The following USP8 variants were observed in gnomAD, a reference collection of about 807,000 sequenced individuals.
The protein encoded by USP8 is ubiquitin carboxyl-terminal hydrolase 8.
In USP8, 27 loss-of-function variants were observed where a neutral mutation model predicts 130.0. The observed-to-expected ratio is 0.21, with a 90% CI of 0.15 to 0.29. The LOEUF is 0.29. USP8 is among the 10% of genes least tolerant of loss of function. The pLI is 1.00. For missense variants in USP8, 1,029 were observed against 1,312.2 expected, an observed-to-expected ratio of 0.78 and a Z score of 3.33; for synonymous variants, 392 against 444.1, an observed-to-expected ratio of 0.88 and a Z score of 1.48.
chr15:50,498,657 AATCTTGACTTGTCAC>A lies in USP8; in HGVS notation c.3102_3116del (p.Asn1034_Gln1039delinsLys). ...GACATCTGTGGACTTCCCGTTAGAA[AATCTTGACTTGTCAC>A]AGTATGTTATTGGTCCAAAGAACAA... On this transcript the variant is annotated inframe_deletion, in exon 19 of 20. Coordinates refer to ENST00000307179, the MANE Select transcript of USP8 (RefSeq NM_005154.5). The A allele has an allele frequency of 6.2e-7, 1 of 1,613,206 alleles. No individual in the cohort carries two copies. The highest frequency in any genetic ancestry group is 8.5e-7 in the Non-Finnish European group (1 of 1,179,640).
Position 50,501,889 on chromosome 15 carries a change from T to A in USP8, c.*2801T>A, listed in dbSNP as rs914225018. The stretch of plus-strand genomic sequence containing the variant: ...ATAGTATTGTTATATGTGAAAATTT[T>A]ATGAAATTCAAATGTCAATGTCCTT... On this transcript the variant is annotated 3_prime_UTR_variant, in exon 20 of 20. Coordinates refer to ENST00000307179, the MANE Select transcript of USP8 (RefSeq NM_005154.5). The A allele has an allele frequency of 4.6e-5, 7 of 152,192 alleles. No homozygotes were observed. Among genetic ancestry groups the A allele is most frequent in the Non-Finnish European group, 8.8e-5 (6 of 68,038 alleles). 9.4% of individuals were successfully genotyped at this position (152,192 alleles called of 1,614,324 possible).
intron 1 of USP8, 169 bp downstream of exon 1, chr15:50,424,683 C>T (rs2141237812): frequency 5.1e-6 from 2 of 394,708 alleles, no homozygotes. Flanking sequence ...GAGGAAAGGC[C>T]CAACCTTGAG....
chr15:50,484,228 G>T, intron 11 of USP8, 47 bp from the exon 12 acceptor site: 1 of 1,457,138 alleles, frequency 6.9e-7, no homozygotes, highest in South Asian at 1.2e-5. Context: ...ATGTTGGGAG[G>T]AGAATTAAAG....
chr15:50,441,941 C>T (rs1257062271), intron 3 of USP8, among the ~76,000 whole-genome samples: 2 of 146,086 alleles, frequency 1.4e-5, no homozygotes, highest in African/African-American at 5.1e-5. Flanking sequence ...TGTCAGTTTG[C>T]AAAATTGATA....
chr15:50,488,758 A>G (rs1263642314), intron 12 of USP8, among the ~76,000 whole-genome samples: 2 of 150,202 alleles, frequency 1.3e-5, no homozygotes, highest in Non-Finnish European at 3.0e-5. Context: ...TTTTTAGTAG[A>G]GATGGGGTTT....
intron 8 of USP8, among the ~76,000 whole-genome samples, 186 bp downstream of exon 8, chr15:50,471,981 A>G (rs1409406705): frequency 1.3e-5 from 2 of 150,072 alleles, no homozygotes; most frequent in African/African-American, 2.5e-5. Context: ...GCTCACTGCA[A>G]CCTCCGCGTC....
intron 4 of USP8, 53 bp from the exon 5 acceptor site, chr15:50,458,947 A>G: frequency 6.2e-7 from 1 of 1,604,060 alleles, no homozygotes; most frequent in African/African-American, 1.3e-5. Flanking sequence ...AACTCCTTTA[A>G]TTTCCACGAT....
At chr15:50,497,498 A>C (rs1000716798) in intron 18 of USP8, 8 of 285,384 alleles carry the variant, frequency 2.8e-5, no homozygotes, top group Non-Finnish European at 4.5e-5. Context: ...AAATGTATAA[A>C]AATATTACAG....
chr15:50,474,757 A>G (rs528520184), intron 8 of USP8, among the ~76,000 whole-genome samples: 2 of 152,348 alleles, frequency 1.3e-5, no homozygotes, highest in Non-Finnish European at 2.9e-5. Flanking sequence ...ATTAGGAGAA[A>G]GCATTGGTAT....
chr15:50,456,232 T>G (rs17519466), intron 4 of USP8, among the ~76,000 whole-genome samples: 22,348 of 152,190 alleles, frequency 0.15, 2,062 homozygotes, highest in Middle Eastern at 0.28. Flanking sequence ...TGATCATTTC[T>G]GTCAATGGAA....
rs150245386 is a variant in USP8, at chr15:50,465,139, G to A, written c.634G>A (p.Asp212Asn). The A allele has an allele frequency of 2.6e-4, 412 of 1,613,902 alleles. 4 individuals carry two copies. In the African/African-American group the frequency reaches 4.9e-3, roughly 19 times the overall value. Reference protein sequence around the residue: ...MDARRMQDYQDSCILHSLSVP... With the variant: ...MDARRMQDYQNSCILHSLSVP... ...TGCTCGAAGAATGCAGGATTATCAG[G>A]ATTCCTGTATTTTACATTCTCTCAG... Residue 212 changes from aspartate (D) to asparagine (N), a missense_variant, in exon 7 of 20, where the codon GAT becomes AAT. By Grantham distance (23) the Asp-to-Asn change is conservative (BLOSUM62 1). Coordinates refer to ENST00000307179, the MANE Select transcript of USP8 (RefSeq NM_005154.5).
chr15:50,462,837 A>G (rs1206258441), intron 6 of USP8, among the ~76,000 whole-genome samples: 1 of 152,190 alleles, frequency 6.6e-6, no homozygotes, highest in Non-Finnish European at 1.5e-5. Flanking sequence ...ATACATGGTA[A>G]ACTTTAAGTA....
intron 7 of USP8, among the ~76,000 whole-genome samples, chr15:50,471,162 A>G (rs2051364126): frequency 6.6e-6 from 1 of 152,236 alleles, no homozygotes; most frequent in South Asian, 2.1e-4. Flanking sequence ...AGAATAAAGC[A>G]TTTAGAACAG....
chr15:50,494,000 G>A, intron 15 of USP8, 70 bp from the exon 16 acceptor site: 1 of 1,535,450 alleles, frequency 6.5e-7, no homozygotes, highest in Non-Finnish European at 9.0e-7. Context: ...TTGACATCAA[G>A]AATCTACTGT....
intron 14 of USP8, among the ~76,000 whole-genome samples, chr15:50,491,441 G>A (rs2052161143): frequency 6.6e-6 from 1 of 152,112 alleles, no homozygotes. Flanking sequence ...ATAATAACTA[G>A]TGAGATTTAA....
chr15:50,471,807 T>C lies in USP8; in HGVS notation c.849+12T>C. 1 of 1,613,552 alleles carries C rather than the reference T, an allele frequency of 6.2e-7. No homozygotes were observed. The highest frequency in any genetic ancestry group is 1.7e-4 in the Middle Eastern group (1 of 6,058). On this transcript the variant is annotated intron_variant, in intron 8 of 19. Coordinates refer to ENST00000307179, the MANE Select transcript of USP8 (RefSeq NM_005154.5). ...ATGCACTTTTCAAGGTTTGCAAGTT[T>C]CATTGTTAGTTTATTGTAATTGCAG...
chr15:50,476,442 T>A (rs556376890), intron 8 of USP8, among the ~76,000 whole-genome samples: 24 of 152,248 alleles, frequency 1.6e-4, no homozygotes, highest in Admixed American at 4.6e-4. Flanking sequence ...AGTCAACCAG[T>A]AGTCGAATAT....
At chr15:50,473,301 A>C (rs1341010937) in intron 8 of USP8, among the ~76,000 whole-genome samples, 1 of 152,198 alleles carries the variant, frequency 6.6e-6, no homozygotes, top group East Asian at 1.9e-4. Flanking sequence ...TTTGCATATA[A>C]ACTACACATA....
chr15:50,454,594 T>G (rs950988187), intron 4 of USP8, among the ~76,000 whole-genome samples: 4 of 151,876 alleles, frequency 2.6e-5, no homozygotes, highest in African/African-American at 9.7e-5. Flanking sequence ...TAGCTGGTAC[T>G]ACAGGTGTGT....
Sources: allele counts gnomAD v4.1 joint callset (sites outside exome capture counted in the v4.1 genomes callset), GRCh38; gene constraint gnomAD v4.1.1; transcripts MANE v1.5; gene names NCBI Gene and HGNC (gene_info 2026-07-23, HGNC 2026-07-21).